The following SMOX variants were observed in gnomAD, a reference collection of about 807,000 sequenced individuals.
SMOX encodes the protein spermine oxidase, also known as flavin containing amine oxidase.
A neutral mutation model predicts 51.0 loss-of-function variants in SMOX; 22 were observed. The observed-to-expected ratio is 0.43, with a 90% CI of 0.31 to 0.62. The LOEUF is 0.62. Ranked by LOEUF, SMOX falls within the 20% of genes least tolerant of loss-of-function variation. The pLI is 0.10. For missense variants in SMOX, 566 were observed against 777.7 expected, an observed-to-expected ratio of 0.73 and a Z score of 3.24; for synonymous variants, 282 against 307.8, an observed-to-expected ratio of 0.92 and a Z score of 0.88.
Position 4,187,601 on chromosome 20 carries a change from G to T in SMOX, c.*194G>T. ...AGGCTGGGCCGTGAGCAGGTGGGCC[G>T]TTGAGTTACCTCTGTGCTGGATCCC... On this transcript the variant is annotated 3_prime_UTR_variant, in exon 7 of 7. Transcript: ENST00000305958. The surrounding 1 kb of genome is among the most constrained non-coding windows in gnomAD (Gnocchi z 4.8). 1 of 716,380 alleles carries T rather than the reference G, an allele frequency of 1.4e-6. No individual in the cohort carries two copies. The highest frequency in any genetic ancestry group is 2.2e-6 in the Non-Finnish European group (1 of 456,932). 44.4% of individuals were successfully genotyped at this position (716,380 alleles called of 1,614,324 possible).
chr20:4,165,639 T>C (rs926051306), intron 1 of SMOX, among the ~76,000 whole-genome samples: 1 of 152,142 alleles, frequency 6.6e-6, no homozygotes, highest in Non-Finnish European at 1.5e-5. Context: ...CAGTAGACTT[T>C]GCTGGGGATA....
At chr20:4,159,522 C>A (rs529501394) in intron 1 of SMOX, among the ~76,000 whole-genome samples, 1 of 152,176 alleles carries the variant, frequency 6.6e-6, no homozygotes, top group Non-Finnish European at 1.5e-5. Context: ...ATCTCAGTTG[C>A]CTCCTCTGTA....
chr20:4,180,326 C>T (rs1375825095), intron 3 of SMOX, among the ~76,000 whole-genome samples: 3 of 152,334 alleles, frequency 2.0e-5, no homozygotes, highest in African/African-American at 7.2e-5. Context: ...GGGTGGTGGA[C>T]ATCACTGTGC....
At chr20:4,152,017 T>C (rs1741296) in intron 1 of SMOX, among the ~76,000 whole-genome samples, 50,931 of 151,938 alleles carry the variant, frequency 0.34, 9,065 homozygotes, top group Admixed American at 0.43. Flanking sequence ...TTATTTTCTT[T>C]CCACAAAAGC....
chr20:4,165,756 C>T (rs944943048), intron 1 of SMOX, among the ~76,000 whole-genome samples: 7 of 152,296 alleles, frequency 4.6e-5, no homozygotes, highest in South Asian at 4.1e-4. Flanking sequence ...TGCTAACAGA[C>T]TCTCCCAAGG....
chr20:4,157,849 G>GT (rs1192722641), intron 1 of SMOX, among the ~76,000 whole-genome samples: 1 of 152,146 alleles, frequency 6.6e-6, no homozygotes, highest in Non-Finnish European at 1.5e-5. Context: ...CCTCTGTGGT[G>GT]TGAGGCTCTT....
At position 4,172,185 on chromosome 20, in the gene SMOX, T is replaced by C. The variant is rs1978440607; in HGVS notation, c.-26-2845T>C. On this transcript the variant is annotated intron_variant, in intron 1 of 6. Transcript: ENST00000305958. The surrounding 1 kb of genome is among the most constrained non-coding windows in gnomAD (Gnocchi z 7.7). ...TGCAGCCATCCCTTTCCGTAGTGGA[T>C]AGGAGACTGTGTGTGGGGTGGCCTG... Among the ~76,000 whole-genome samples the C allele has an allele frequency of 6.6e-6, 1 of 152,230 alleles. No individual in the cohort carries two copies. The highest frequency in any genetic ancestry group is 2.4e-5 in the African/African-American group (1 of 41,472).
At chr20:4,151,373 A>G (rs951104199) in intron 1 of SMOX, among the ~76,000 whole-genome samples, 1 of 152,094 alleles carries the variant, frequency 6.6e-6, no homozygotes, top group Non-Finnish European at 1.5e-5. Flanking sequence ...TTTTGATAGG[A>G]CCATCTCATT....
intron 1 of SMOX, among the ~76,000 whole-genome samples, chr20:4,171,372 C>T (rs1228002896): frequency 1.3e-5 from 2 of 152,214 alleles, no homozygotes; most frequent in Non-Finnish European, 2.9e-5. Flanking sequence ...CCCCAGCAGG[C>T]ATTTAGCACA....
At position 4,175,023 on chromosome 20, in the gene SMOX, C is replaced by A. The variant is rs780178187; in HGVS notation, c.-26-7C>A. 2 of 1,611,322 alleles carry A rather than the reference C, an allele frequency of 1.2e-6. No individual in the cohort carries two copies. The highest frequency in any genetic ancestry group is 2.2e-5 in the South Asian group (2 of 90,978). On this transcript the variant is annotated splice_polypyrimidine_tract_variant and splice_region_variant and intron_variant, in intron 1 of 6. Transcript: ENST00000305958. The stretch of plus-strand genomic sequence containing the variant: ...CCACTAAGCTGTGACACCTCCTCCC[C>A]CTGCAGGTTCCTAGAAGGTGAGCGC...
rs1418102658 is a variant in SMOX, at chr20:4,153,522, GC to G, written c.-27+4547del. Among the ~76,000 whole-genome samples, 4 of 152,116 alleles carry G rather than the reference GC, an allele frequency of 2.6e-5. No homozygotes were observed. The highest frequency in any genetic ancestry group is 9.7e-5 in the African/African-American group (4 of 41,418). On this transcript the variant is annotated intron_variant, in intron 1 of 6. Coordinates refer to ENST00000305958, the MANE Select transcript of SMOX (RefSeq NM_175839.3). The surrounding 1 kb of genome is among the most constrained non-coding windows in gnomAD (Gnocchi z 4.4). Reference sequence around the variant, plus strand: ...AGGATGACTCTAGGCAGGTGACCTGGCCTCCCAGGGACCTGGCTGGCTGGCT... The same window carrying G: ...AGGATGACTCTAGGCAGGTGACCTGGCTCCCAGGGACCTGGCTGGCTGGCT...
rs1314406002 is a variant in SMOX at position 4,170,605 on chromosome 20, G to A, written c.-26-4425G>A. 6.6e-6 allele frequency among the ~76,000 whole-genome samples: 1 copy of A among 152,118 alleles called. No homozygotes were observed. Among genetic ancestry groups the A allele is most frequent in the Non-Finnish European group, 1.5e-5 (1 of 68,026 alleles). ...AAATTGGGGAGGATGTTCCAGGGATGGGATGAAGAAGTGGCAGTTCACACA... is the reference window on the plus strand; with the variant it reads ...AAATTGGGGAGGATGTTCCAGGGATAGGATGAAGAAGTGGCAGTTCACACA... On this transcript the variant is annotated intron_variant, in intron 1 of 6. Coordinates refer to ENST00000305958, the MANE Select transcript of SMOX (RefSeq NM_175839.3). The surrounding 1 kb of genome is among the most constrained non-coding windows in gnomAD (Gnocchi z 4.6).
chr20:4,182,891 T>G lies in SMOX; in HGVS notation c.1369+43T>G. 1 of 1,568,598 alleles carries G rather than the reference T, an allele frequency of 6.4e-7. No individual in the cohort carries two copies. The highest frequency in any genetic ancestry group is 8.6e-7 in the Non-Finnish European group (1 of 1,162,986). On this transcript the variant is annotated intron_variant, in intron 5 of 6. Coordinates refer to ENST00000305958, the MANE Select transcript of SMOX (RefSeq NM_175839.3). The surrounding 1 kb of genome is among the most constrained non-coding windows in gnomAD (Gnocchi z 8.4). Reference sequence around the variant, plus strand: ...CGACCCGCTTCCCCCACCCTGCTTCTTCCTCACCTGCCCTCCTCTGGTGGA... The same window carrying G: ...CGACCCGCTTCCCCCACCCTGCTTCGTCCTCACCTGCCCTCCTCTGGTGGA...
rs1446720573 is a variant in SMOX at position 4,187,043 on chromosome 20, AGCCGGGACTCCTAATG to A, written c.1531-223_1531-208del. On this transcript the variant is annotated intron_variant, in intron 6 of 6. Coordinates refer to ENST00000305958, the MANE Select transcript of SMOX (RefSeq NM_175839.3). The surrounding 1 kb of genome is among the most constrained non-coding windows in gnomAD (Gnocchi z 4.8). ...GCACAAAGAGCCTTTGAGACCACAGAGCCGGGACTCCTAATGGCCTCAAGACAGAAAGAGCCAAGGG... is the reference window on the plus strand; with the variant it reads ...GCACAAAGAGCCTTTGAGACCACAGAGCCTCAAGACAGAAAGAGCCAAGGG... 6.6e-6 allele frequency among the ~76,000 whole-genome samples: 1 copy of A among 152,208 alleles called. No homozygotes were observed. Among genetic ancestry groups the A allele is most frequent in the Non-Finnish European group, 1.5e-5 (1 of 68,044 alleles).
In SMOX at chr20:4,182,871, C is replaced by A; in HGVS notation, c.1369+23C>A. ...CAGGTGCGCCACGTGCCCCACGACC[C>A]GCTTCCCCCACCCTGCTTCTTCCTC... is the stretch of plus-strand genomic sequence containing the variant. On this transcript the variant is annotated intron_variant, in intron 5 of 6. Coordinates refer to ENST00000305958, the MANE Select transcript of SMOX (RefSeq NM_175839.3). The surrounding 1 kb of genome is among the most constrained non-coding windows in gnomAD (Gnocchi z 8.4). The A allele has an allele frequency of 6.3e-7, 1 of 1,587,320 alleles. No homozygotes were observed.
At chr20:4,164,374 A>G (rs927091) in intron 1 of SMOX, among the ~76,000 whole-genome samples, 82,028 of 152,072 alleles carry the variant, frequency 0.54, 23,391 homozygotes, top group Admixed American at 0.63. Flanking sequence ...GGGATAAGCC[A>G]TCTGCATGCG....
chr20:4,154,841 T>G (rs1985928904), intron 1 of SMOX, among the ~76,000 whole-genome samples: 1 of 104,888 alleles, frequency 9.5e-6, no homozygotes, highest in African/African-American at 3.7e-5. Flanking sequence ...TGTAGGGAGC[T>G]GCCGGGGTAG....
chr20:4,175,176 A>G lies in SMOX; in HGVS notation c.121A>G (p.Lys41Glu), dbSNP rs368649029. Residue 41 changes from lysine to glutamate, a missense_variant, in exon 2 of 7, where the codon AAA becomes GAA. Lys to Glu is a moderately conservative substitution (Grantham distance 56). Around this residue, in one of 3 missense-constraint regions of SMOX, gnomAD observed 217 missense variants for 278.4 expected, o/e 0.78. Coordinates refer to ENST00000305958, the MANE Select transcript of SMOX (RefSeq NM_175839.3). ...GAGLAGLAAA[K>E]ALLEQGFTDV... ...CGGCTTGGCTGGCCTGGCTGCAGCC[A>G]AAGCACTTCTTGAGCAGGGTTTCAC... The G allele has an allele frequency of 1.2e-6, 2 of 1,614,064 alleles. No individual in the cohort carries two copies. The highest frequency in any genetic ancestry group is 2.2e-5 in the East Asian group (1 of 44,892).
At chr20:4,173,367 G>C (rs1316928070) in intron 1 of SMOX, among the ~76,000 whole-genome samples, 1 of 152,192 alleles carries the variant, frequency 6.6e-6, no homozygotes, top group Non-Finnish European at 1.5e-5. Context: ...CGTGATTGAG[G>C]TGCATCTGTG....
Sources: allele counts gnomAD v4.1 joint callset (sites outside exome capture counted in the v4.1 genomes callset), GRCh38; gene constraint gnomAD v4.1.1; regional missense constraint gnomAD v4.1.1; non-coding constraint Gnocchi (gnomAD v3.1); transcripts MANE v1.5; gene names NCBI Gene and HGNC (gene_info 2026-07-23, HGNC 2026-07-21).